Variants in PTPRG observed in about 807,000 individuals in gnomAD.
PTPRG encodes receptor-type tyrosine-protein phosphatase gamma.
A neutral mutation model predicts 165.3 loss-of-function variants in PTPRG; 102 were observed. That is an observed-to-expected ratio of 0.62 (90% CI 0.53 to 0.73). The LOEUF is 0.73. Ranked by LOEUF, PTPRG falls within the 30% of genes least tolerant of loss-of-function variation. The pLI is 0.00. For missense variants in PTPRG, 1,866 were observed against 1,861.4 expected (o/e 1.00, Z -0.05); for synonymous variants, 675 against 669.5 (o/e 1.01, Z -0.13).
chr3:61,961,745 G>T (rs1034632708), intron 2 of PTPRG, among the ~76,000 whole-genome samples: 2 of 152,116 alleles, frequency 1.3e-5, no homozygotes, highest in Non-Finnish European at 2.9e-5. Context: ...TTCTCAAATT[G>T]TGGTCCCTGG....
At chr3:61,974,306 T>C (rs570103661) in intron 2 of PTPRG, among the ~76,000 whole-genome samples, 2 of 152,158 alleles carry the variant, frequency 1.3e-5, no homozygotes, top group African/African-American at 4.8e-5. Flanking sequence ...ATTTAGTATG[T>C]CCTTTGGGAG....
At chr3:61,631,033 G>A (rs960809645) in intron 1 of PTPRG, among the ~76,000 whole-genome samples, 1 of 151,826 alleles carries the variant, frequency 6.6e-6, no homozygotes, top group African/African-American at 2.4e-5. Flanking sequence ...TCCAGCCTGG[G>A]TGACAGAGCG....
In PTPRG at chr3:61,622,826, A is replaced by G. The variant is rs375631310; in HGVS notation, c.85+60454A>G. Among the ~76,000 whole-genome samples, 9 of 152,330 alleles carry G rather than the reference A, an allele frequency of 5.9e-5. No homozygotes were observed. In the South Asian group the frequency reaches 6.2e-4, roughly 11 times the overall value. On this transcript the variant is annotated intron_variant, in intron 1 of 29. Coordinates refer to ENST00000474889, the MANE Select transcript of PTPRG (RefSeq NM_002841.4). The stretch of plus-strand genomic sequence containing the variant: ...ATTTCCAGTTAGTAACTGCCTCTTA[A>G]TGAATCACATTAAGTGCCATAGTCA...
At chr3:61,625,940 T>C (rs1701595095) in intron 1 of PTPRG, among the ~76,000 whole-genome samples, 1 of 152,162 alleles carries the variant, frequency 6.6e-6, no homozygotes, top group Admixed American at 6.5e-5. Flanking sequence ...ATTGAGACCA[T>C]TACCTCCTGA....
chr3:62,073,484 ATT>A (rs999167590), intron 4 of PTPRG, among the ~76,000 whole-genome samples: 1 of 148,284 alleles, frequency 6.7e-6, no homozygotes. Context: ...GAAGATATAA[ATT>A]TTTTTTTTTT....
At chr3:61,996,406 C>T (rs940195289) in intron 3 of PTPRG, among the ~76,000 whole-genome samples, 2 of 152,116 alleles carry the variant, frequency 1.3e-5, no homozygotes, top group Non-Finnish European at 2.9e-5. Context: ...ATTGTGGAGT[C>T]ATCATTCCTT....
At chr3:61,947,962 G>A (rs1173713197) in intron 2 of PTPRG, among the ~76,000 whole-genome samples, 2 of 152,094 alleles carry the variant, frequency 1.3e-5, no homozygotes, top group African/African-American at 4.8e-5. Context: ...AAATCTGAGT[G>A]GGTCCTCAGA....
intron 2 of PTPRG, among the ~76,000 whole-genome samples, chr3:61,823,667 A>G (rs950187750): frequency 6.6e-6 from 1 of 152,242 alleles, no homozygotes; most frequent in African/African-American, 2.4e-5. Flanking sequence ...AATTTTGTAG[A>G]CTAGCTTAAT....
chr3:61,881,964 C>G (rs909762635), intron 2 of PTPRG, among the ~76,000 whole-genome samples: 3 of 152,180 alleles, frequency 2.0e-5, no homozygotes, highest in African/African-American at 7.2e-5. Flanking sequence ...TAACTAGACC[C>G]GTGTATAGCA....
intron 4 of PTPRG, among the ~76,000 whole-genome samples, chr3:62,019,882 A>G (rs920487373): frequency 4.6e-5 from 7 of 152,238 alleles, no homozygotes; most frequent in Admixed American, 4.6e-4. Flanking sequence ...GCATTGTGCC[A>G]TTTAATCATC....
intron 3 of PTPRG, among the ~76,000 whole-genome samples, chr3:62,003,028 C>A: frequency 6.6e-6 from 1 of 152,060 alleles, no homozygotes; most frequent in East Asian, 1.9e-4. Flanking sequence ...GACCATCAAG[C>A]AGTTTTAGGA....
rs142650232 is a variant in PTPRG, at chr3:62,072,130, G to C, written c.520-6033G>C. On this transcript the variant is annotated intron_variant, in intron 4 of 29. Coordinates refer to ENST00000474889, the MANE Select transcript of PTPRG (RefSeq NM_002841.4). ...GGCAGGAGGAAAGGGAAGCTAGGTGGACATTTTGTTGTCACTTTGTATGTA... is the reference window on the plus strand; with the variant it reads ...GGCAGGAGGAAAGGGAAGCTAGGTGCACATTTTGTTGTCACTTTGTATGTA... Among the ~76,000 whole-genome samples the C allele has an allele frequency of 2.2e-3, 328 of 152,242 alleles. 4 individuals carry two copies. Among genetic ancestry groups the C allele is most frequent in the South Asian group, 0.012 (56 of 4,826 alleles).
chr3:61,875,690 C>T lies in PTPRG; in HGVS notation c.191-113935C>T, dbSNP rs575378354. ...CACACACAGCACACACTTTATAGGCCGTCTTCATGCCTTTGCCGAGGTCTT... is the reference window on the plus strand; with the variant it reads ...CACACACAGCACACACTTTATAGGCTGTCTTCATGCCTTTGCCGAGGTCTT... On this transcript the variant is annotated intron_variant, in intron 2 of 29. Coordinates refer to ENST00000474889, the MANE Select transcript of PTPRG (RefSeq NM_002841.4). Among the ~76,000 whole-genome samples, 12 of 152,180 alleles carry T rather than the reference C, an allele frequency of 7.9e-5. No individual in the cohort carries two copies. The East Asian group carries it at 9.7e-4, about 12-fold the overall frequency.
At chr3:61,942,105 C>T (rs1326479656) in intron 2 of PTPRG, among the ~76,000 whole-genome samples, 3 of 148,338 alleles carry the variant, frequency 2.0e-5, no homozygotes, top group Non-Finnish European at 4.4e-5. Context: ...GTTGCGTGAG[C>T]GGAGATCGCG....
chr3:61,890,237 A>G (rs1348502125), intron 2 of PTPRG, among the ~76,000 whole-genome samples: 2 of 152,022 alleles, frequency 1.3e-5, no homozygotes, highest in Non-Finnish European at 2.9e-5. Context: ...GGTTAACTGA[A>G]TGGCCAGATT....
chr3:61,692,628 A>G lies in PTPRG; in HGVS notation c.86-56250A>G, dbSNP rs573804717. Among the ~76,000 whole-genome samples, 165 of 152,248 alleles carry G rather than the reference A, an allele frequency of 1.1e-3. 2 individuals are homozygous for G. Among genetic ancestry groups the G allele is most frequent in the African/African-American group, 3.3e-3 (137 of 41,524 alleles). Reference sequence around the variant, plus strand: ...TTATAGGATTTGGGTAGGTAAAGGAAAAACGGGGGTTGTTCTCTGGCAGGC... The same window carrying G: ...TTATAGGATTTGGGTAGGTAAAGGAGAAACGGGGGTTGTTCTCTGGCAGGC... On this transcript the variant is annotated intron_variant, in intron 1 of 29. Coordinates refer to ENST00000474889, the MANE Select transcript of PTPRG (RefSeq NM_002841.4).
At chr3:61,711,109 T>C (rs1226189640) in intron 1 of PTPRG, among the ~76,000 whole-genome samples, 1 of 152,204 alleles carries the variant, frequency 6.6e-6, no homozygotes, top group Non-Finnish European at 1.5e-5. Context: ...ACTCATCCTT[T>C]TTTATGGCTG....
intron 8 of PTPRG, among the ~76,000 whole-genome samples, chr3:62,174,520 CT>C (rs1440215117): frequency 6.6e-6 from 1 of 152,094 alleles, no homozygotes; most frequent in Non-Finnish European, 1.5e-5. Flanking sequence ...GTTAAAAGCA[CT>C]TTTAAAGGAC....
chr3:62,065,068 A>G (rs1441044451), intron 4 of PTPRG, among the ~76,000 whole-genome samples: 2 of 149,282 alleles, frequency 1.3e-5, no homozygotes, highest in Non-Finnish European at 3.0e-5. Flanking sequence ...AGAAGTACCC[A>G]TCCAATGGTA....
Sources: allele counts gnomAD v4.1 joint callset (sites outside exome capture counted in the v4.1 genomes callset), GRCh38; gene constraint gnomAD v4.1.1; transcripts MANE v1.5; gene names NCBI Gene and HGNC (gene_info 2026-07-23, HGNC 2026-07-21).